The following RBFOX3 variants were observed in gnomAD, a reference collection of about 807,000 sequenced individuals.
RBFOX3 encodes RNA binding fox-1 homolog 3.
RBFOX3 carries 17 observed loss-of-function variants against 48.7 expected under a neutral mutation model. The observed-to-expected ratio is 0.35, with a 90% confidence interval of 0.24 to 0.52. The LOEUF (loss-of-function observed/expected upper bound fraction) is 0.52, where lower values mean the gene tolerates loss of function less well. RBFOX3 is among the 20% of genes least tolerant of loss of function. The probability of loss-of-function intolerance (pLI) is 0.94; values close to 1 mark genes in which losing one functional copy is unlikely to be tolerated. For synonymous variants in RBFOX3, 212 were observed against 209.5 expected, an observed-to-expected ratio of 1.01 and a Z score of -0.10; for missense variants, 382 against 497.5, an observed-to-expected ratio of 0.77 and a Z score of 2.21.
At chr17:79,172,173 C>CAAAAAAAAAAAAA (rs977301314) in intron 4 of RBFOX3, among the ~76,000 whole-genome samples, 4 of 52,478 alleles carry the variant, frequency 7.6e-5, no homozygotes, top group Admixed American at 2.2e-4. Flanking sequence ...GAGTCCGTCT[C>CAAAAAAAAAAAAA]AAAAAAAAAA....
At chr17:79,206,565 C>T (rs12943457) in intron 4 of RBFOX3, among the ~76,000 whole-genome samples, 37,703 of 151,920 alleles carry the variant, frequency 0.25, 4,832 homozygotes, top group Admixed American at 0.34. Flanking sequence ...CTCCTGTGTC[C>T]ACCTTGTCTC....
At chr17:79,357,959 A>ATAT (rs532238217) in intron 2 of RBFOX3, among the ~76,000 whole-genome samples, 2,789 of 147,856 alleles carry the variant, frequency 0.019, 93 homozygotes, top group African/African-American at 0.066. Context: ...TTATTATTAT[A>ATAT]TATTATTATT....
At chr17:79,325,710 T>G (rs1568045278) in intron 2 of RBFOX3, among the ~76,000 whole-genome samples, 2 of 152,172 alleles carry the variant, frequency 1.3e-5, no homozygotes, top group Non-Finnish European at 2.9e-5. Context: ...CTCTCTCCCT[T>G]TCCCTACCTC....
At chr17:79,270,105 C>A (rs1447383266) in intron 3 of RBFOX3, among the ~76,000 whole-genome samples, 2 of 152,212 alleles carry the variant, frequency 1.3e-5, no homozygotes, top group Non-Finnish European at 2.9e-5. Flanking sequence ...TGTGGCCACC[C>A]TCCTGGTTCT....
At chr17:79,184,297 TG>T (rs2052938667) in intron 4 of RBFOX3, among the ~76,000 whole-genome samples, 2 of 151,782 alleles carry the variant, frequency 1.3e-5, no homozygotes, top group Non-Finnish European at 2.9e-5. Flanking sequence ...TAGATGGGGG[TG>T]GGGGACACGG....
chr17:79,600,481 G>C (rs2093681277), intron 1 of RBFOX3: 1 of 152,346 alleles, frequency 6.6e-6, no homozygotes, highest in East Asian at 1.9e-4. Context: ...ATTCAGGTTT[G>C]AGGCTCTTGC....
At chr17:79,289,873 A>AATAACTAATAACACTGGGCT (rs978110061) in intron 3 of RBFOX3, among the ~76,000 whole-genome samples, 1 of 152,228 alleles carries the variant, frequency 6.6e-6, no homozygotes, top group South Asian at 2.1e-4. Context: ...GATTGCTAAA[A>AATAACTAATAACACTGGGCT]ATAACTAATA....
At chr17:79,145,923 G>A (rs764623814) in intron 4 of RBFOX3, among the ~76,000 whole-genome samples, 1 of 152,142 alleles carries the variant, frequency 6.6e-6, no homozygotes, top group African/African-American at 2.4e-5. Flanking sequence ...CGGGGGCAGG[G>A]GGGTGGTTGG....
At chr17:79,259,307 C>T (rs181245923) in intron 3 of RBFOX3, among the ~76,000 whole-genome samples, 8 of 152,314 alleles carry the variant, frequency 5.3e-5, no homozygotes, top group South Asian at 2.1e-4. Context: ...GGCACAGCAC[C>T]GATCTCGGGT....
intron 3 of RBFOX3, among the ~76,000 whole-genome samples, chr17:79,275,046 C>T (rs2068491343): frequency 6.7e-6 from 1 of 148,636 alleles, no homozygotes; most frequent in Non-Finnish European, 1.5e-5. Context: ...CTGCCTTAGA[C>T]TCTTGGCTGT....
the RBFOX3 span, among the ~76,000 whole-genome samples, chr17:79,631,882 C>T: frequency 6.6e-6 from 1 of 152,186 alleles, no homozygotes; most frequent in African/African-American, 2.4e-5. Flanking sequence ...TGCCCTTGCA[C>T]AGCACCCTGA....
At position 79,477,927 on chromosome 17, in the gene RBFOX3, G is replaced by C. The variant is rs2078177733; in HGVS notation, c.-175+4527C>G. Reference sequence around the variant, plus strand: ...GGAGAGACCCCAGCAACGTCCTTCAGCTGGGCACCGCCTGTTCCACCCAGG... The same window carrying C: ...GGAGAGACCCCAGCAACGTCCTTCACCTGGGCACCGCCTGTTCCACCCAGG... On this transcript the variant is annotated intron_variant, in intron 2 of 14. Transcript: ENST00000693108. The surrounding 1 kb of genome is among the most constrained non-coding windows in gnomAD (Gnocchi z 4.8). 6.6e-6 allele frequency among the ~76,000 whole-genome samples: 1 copy of C among 152,168 alleles called. No homozygotes were observed. The highest frequency in any genetic ancestry group is 2.4e-5 in the African/African-American group (1 of 41,454).
intron 2 of RBFOX3, among the ~76,000 whole-genome samples, chr17:79,372,310 C>T (rs868225121): frequency 8.3e-6 from 1 of 119,926 alleles, no homozygotes. Context: ...ACTATAGACC[C>T]CCCCCTGTCA....
chr17:79,659,300 A>G, the RBFOX3 span, among the ~76,000 whole-genome samples: 14 of 152,196 alleles, frequency 9.2e-5, no homozygotes, highest in Non-Finnish European at 1.6e-4. Flanking sequence ...TCTCTAGAAT[A>G]ATAAATGAAA....
intron 2 of RBFOX3, among the ~76,000 whole-genome samples, chr17:79,399,226 G>GCCAC (rs142834429): frequency 0.022 from 3,323 of 152,252 alleles, 59 homozygotes; most frequent in Non-Finnish European, 0.033. Context: ...TGTGTTTCCA[G>GCCAC]CCACCCAGTC....
chr17:79,525,385 C>A (rs1450350535), intron 1 of RBFOX3, among the ~76,000 whole-genome samples: 1 of 152,202 alleles, frequency 6.6e-6, no homozygotes, highest in African/African-American at 2.4e-5. Context: ...AAAGAGTAAG[C>A]CAGAGACCAG....
At chr17:79,446,035 C>T (rs1403361337) in intron 2 of RBFOX3, among the ~76,000 whole-genome samples, 1 of 152,190 alleles carries the variant, frequency 6.6e-6, no homozygotes, top group Non-Finnish European at 1.5e-5. Flanking sequence ...CAAGGAACGG[C>T]CTCCACATGA....
intron 4 of RBFOX3, among the ~76,000 whole-genome samples, chr17:79,121,904 T>C (rs764304675): frequency 6.6e-6 from 1 of 152,118 alleles, no homozygotes; most frequent in South Asian, 2.1e-4. Flanking sequence ...CCTGGACTTC[T>C]CCCCAGAATC....
chr17:79,465,576 CACAAAAAAAA>C (rs2076200043), intron 2 of RBFOX3, among the ~76,000 whole-genome samples: 1 of 137,472 alleles, frequency 7.3e-6, no homozygotes, highest in Non-Finnish European at 1.5e-5. Flanking sequence ...AGCACACATG[CACAAAAAAAA>C]AAAAAATACA....
Sources: allele counts gnomAD v4.1 joint callset (sites outside exome capture counted in the v4.1 genomes callset), GRCh38; gene constraint gnomAD v4.1.1; non-coding constraint Gnocchi (gnomAD v3.1); transcripts MANE v1.5; gene names NCBI Gene and HGNC (gene_info 2026-07-23, HGNC 2026-07-21).